The following NXPE4 variants were observed in gnomAD, a reference collection of about 807,000 sequenced individuals.
NXPE4 encodes NXPE family member 4.
A neutral mutation model predicts 33.3 loss-of-function variants in NXPE4; 42 were observed. That is an observed-to-expected ratio of 1.26 (90% CI 0.98 to 1.63). The LOEUF (loss-of-function observed/expected upper bound fraction) is 1.63. NXPE4 is among the 40% of genes most tolerant of loss of function. The pLI, the probability that NXPE4 is intolerant of heterozygous loss-of-function variation, is 0.00. For missense variants in NXPE4, 709 were observed against 647.6 expected (o/e 1.09, Z -1.03); for synonymous variants, 253 against 234.9 (o/e 1.08, Z -0.71).
At position 114,583,189 on chromosome 11, in the gene NXPE4, C is replaced by T. The variant is rs1469233239; in HGVS notation, c.97-168G>A. ...TATTATCAATATTATTTAAATTCTC[C>T]AATAAAAAGGCATAGAATGGAGATT... On this transcript the variant is annotated intron_variant, in intron 2 of 5. Coordinates refer to ENST00000375478, the MANE Select transcript of NXPE4 (RefSeq NM_001077639.2). The T allele has an allele frequency of 7.4e-6, 6 of 813,066 alleles. No individual in the cohort carries two copies. In the East Asian group the frequency reaches 1.6e-4, roughly 22 times the overall value. 50.4% of individuals were successfully genotyped at this position (813,066 alleles called of 1,614,324 possible).
At chr11:114,674,534 T>C in the NXPE4 span, among the ~76,000 whole-genome samples, 1 of 148,102 alleles carries the variant, frequency 6.8e-6, no homozygotes, top group Admixed American at 6.7e-5. Flanking sequence ...AAACTTGTAG[T>C]AGATAACATG....
chr11:114,666,182 C>T, the NXPE4 span, among the ~76,000 whole-genome samples: 3 of 152,112 alleles, frequency 2.0e-5, no homozygotes, highest in Non-Finnish European at 4.4e-5. Flanking sequence ...TCACATTTTC[C>T]CCATTTTGCT....
chr11:114,610,321 G>A, the NXPE4 span, among the ~76,000 whole-genome samples: 30 of 151,558 alleles, frequency 2.0e-4, no homozygotes, highest in Non-Finnish European at 2.5e-4. Context: ...ACTGTTATCC[G>A]GTGAATAATA....
chr11:114,647,658 T>C, the NXPE4 span, among the ~76,000 whole-genome samples: 519 of 152,258 alleles, frequency 3.4e-3, 1 homozygote, highest in South Asian at 0.013. Context: ...TGATTCTGTA[T>C]TTTGTCTCTT....
the NXPE4 span, among the ~76,000 whole-genome samples, chr11:114,651,384 G>A: frequency 6.6e-6 from 1 of 152,110 alleles, no homozygotes; most frequent in Non-Finnish European, 1.5e-5. Flanking sequence ...TCGTGGTCTC[G>A]TGGTCTCGCT....
chr11:114,659,808 A>G, the NXPE4 span, among the ~76,000 whole-genome samples: 2 of 152,106 alleles, frequency 1.3e-5, no homozygotes, highest in East Asian at 3.8e-4. Flanking sequence ...GCAGAGGAAA[A>G]CAATAATGTA....
the NXPE4 span, among the ~76,000 whole-genome samples, chr11:114,654,254 A>G: frequency 6.6e-6 from 1 of 152,062 alleles, no homozygotes; most frequent in Non-Finnish European, 1.5e-5. Context: ...GGAGCTTTGA[A>G]TGAAACAGAG....
the NXPE4 span, among the ~76,000 whole-genome samples, chr11:114,614,421 G>C: frequency 6.6e-6 from 1 of 151,060 alleles, no homozygotes; most frequent in South Asian, 2.1e-4. Context: ...TTACCCAGTG[G>C]ATAATAAGTA....
chr11:114,653,673 G>T, the NXPE4 span, among the ~76,000 whole-genome samples: 1 of 151,376 alleles, frequency 6.6e-6, no homozygotes, highest in African/African-American at 2.4e-5. Flanking sequence ...GACTACAGGC[G>T]CCCACCACTA....
the NXPE4 span, among the ~76,000 whole-genome samples, chr11:114,626,304 T>G: frequency 2.0e-5 from 3 of 152,166 alleles, no homozygotes; most frequent in Non-Finnish European, 4.4e-5. Flanking sequence ...GAGCAGTGGT[T>G]CTCCTAGCAC....
chr11:114,667,933 A>T, the NXPE4 span, among the ~76,000 whole-genome samples: 2 of 151,998 alleles, frequency 1.3e-5, no homozygotes, highest in African/African-American at 4.8e-5. Flanking sequence ...ACTAAGTTAC[A>T]CAGCAGTAGA....
chr11:114,649,669 A>C, the NXPE4 span, among the ~76,000 whole-genome samples: 5 of 152,208 alleles, frequency 3.3e-5, no homozygotes, highest in Non-Finnish European at 5.9e-5. Flanking sequence ...AGCTGGAAGA[A>C]GACTGGAGGC....
At chr11:114,581,376 G>T (rs906474578) in intron 4 of NXPE4, among the ~76,000 whole-genome samples, 7 of 152,094 alleles carry the variant, frequency 4.6e-5, no homozygotes, top group Admixed American at 6.6e-5. Flanking sequence ...TGGTGATATG[G>T]GAAGAGGTGA....
chr11:114,617,490 G>T, the NXPE4 span, among the ~76,000 whole-genome samples: 2 of 152,086 alleles, frequency 1.3e-5, no homozygotes, highest in East Asian at 3.9e-4. Flanking sequence ...GTTGCCTCGT[G>T]GGTAACCACT....
chr11:114,629,225 A>G, the NXPE4 span, among the ~76,000 whole-genome samples: 3 of 152,096 alleles, frequency 2.0e-5, no homozygotes, highest in African/African-American at 7.2e-5. Context: ...ACCAAAAAAG[A>G]ATTTTAGACC....
the NXPE4 span, among the ~76,000 whole-genome samples, chr11:114,635,988 T>G: frequency 6.6e-6 from 1 of 152,040 alleles, no homozygotes; most frequent in African/African-American, 2.4e-5. Flanking sequence ...ATAAAATGAG[T>G]TAGGGAGGAT....
rs1485848960 is a variant in NXPE4, at chr11:114,580,178, A to G, written c.1053T>C (p.Asp351=). The G allele has an allele frequency of 1.7e-5, 27 of 1,613,954 alleles. No homozygotes were observed. Among genetic ancestry groups the G allele is most frequent in the Non-Finnish European group, 2.1e-5 (25 of 1,179,948 alleles). Residue 351 remains aspartate, a synonymous_variant, in exon 5 of 6, where the codon GAT becomes GAC. Transcript: ENST00000375478. ...LRGKLIYLMG[D]STIRQWMEYF... ...ATTCCATCCACTGGCGGATCGTGGA[A>G]TCTCCCATTAGGTATATGAGTTTTC...
chr11:114,621,885 G>A, the NXPE4 span, among the ~76,000 whole-genome samples: 38 of 152,002 alleles, frequency 2.5e-4, no homozygotes, highest in Admixed American at 6.5e-4. Flanking sequence ...TGGATAATAA[G>A]TATTGATTTG....
the NXPE4 span, among the ~76,000 whole-genome samples, chr11:114,661,288 TAATC>T: frequency 6.6e-6 from 1 of 152,158 alleles, no homozygotes; most frequent in Non-Finnish European, 1.5e-5. Context: ...GGAAATAGAA[TAATC>T]AATCGGTTTT....
Sources: allele counts gnomAD v4.1 joint callset (sites outside exome capture counted in the v4.1 genomes callset), GRCh38; gene constraint gnomAD v4.1.1; transcripts MANE v1.5; gene names NCBI Gene and HGNC (gene_info 2026-07-23, HGNC 2026-07-21).